THBS4: variants seen among roughly 807,000 people sequenced by gnomAD.
THBS4 encodes thrombospondin 4.
A neutral mutation model predicts 115.7 loss-of-function variants in THBS4; 90 were observed. That is an observed-to-expected ratio of 0.78 (90% CI 0.66 to 0.93). THBS4 has a LOEUF of 0.93. Among genes scored for constraint, THBS4 ranks in the 40% least tolerant of loss-of-function variants. The probability of loss-of-function intolerance (pLI) is 0.00; values close to 1 mark genes in which losing one functional copy is unlikely to be tolerated. For missense variants in THBS4, 1,087 were observed against 1,232.7 expected (o/e 0.88, Z 1.77); for synonymous variants, 460 against 479.3 (o/e 0.96, Z 0.53).
At chr5:80,015,501 A>G (rs1580912194) in intron 2 of THBS4, among the ~76,000 whole-genome samples, 1 of 152,242 alleles carries the variant, frequency 6.6e-6, no homozygotes. Context: ...TGTGAGCTGT[A>G]TAACAGGAAG....
At chr5:79,998,727 T>C (rs1255965813) in intron 2 of THBS4, among the ~76,000 whole-genome samples, 2 of 152,188 alleles carry the variant, frequency 1.3e-5, no homozygotes. Flanking sequence ...TTAGATGTTT[T>C]TAAAAAGAAT....
At chr5:80,014,573 T>C (rs1295215776) in intron 2 of THBS4, among the ~76,000 whole-genome samples, 2 of 152,094 alleles carry the variant, frequency 1.3e-5, no homozygotes, top group South Asian at 2.1e-4. Context: ...TAGCCAGTAG[T>C]TGGGGGAAGA....
intron 2 of THBS4, among the ~76,000 whole-genome samples, chr5:80,028,001 A>G (rs1832514195): frequency 6.6e-6 from 1 of 151,606 alleles, no homozygotes. Context: ...TATCTCTCCC[A>G]CAGAGTTACT....
chr5:80,053,642 T>C (rs1325644720), intron 2 of THBS4, among the ~76,000 whole-genome samples: 1 of 152,140 alleles, frequency 6.6e-6, no homozygotes, highest in East Asian at 1.9e-4. Flanking sequence ...AATGATGTGT[T>C]TACCACCTCC....
intron 1 of THBS4, among the ~76,000 whole-genome samples, chr5:79,997,839 G>C (rs983069410): frequency 6.6e-6 from 1 of 152,078 alleles, no homozygotes; most frequent in African/African-American, 2.4e-5. Flanking sequence ...GTCAATAACA[G>C]AAAGATAACA....
chr5:80,078,936 C>T lies in THBS4; in HGVS notation c.2281C>T (p.Gln761Ter), dbSNP rs761229409. Residue 761 changes from glutamine to a stop codon, truncating the protein, a stop_gained, in exon 18 of 22, where the codon CAG (glutamine) becomes TAG (stop). Coordinates refer to ENST00000350881, the MANE Select transcript of THBS4 (RefSeq NM_003248.6). LOFTEE classifies it high-confidence loss of function. ...CTCTCTGCAGGGCATGGAGATTGTA[C>T]AGACCATGAACAGTGATCCTGGCCT... ...VVLNQGMEIV[Q>*]TMNSDPGLAV... 6.2e-7 allele frequency: 1 copy of T among 1,614,090 alleles called. No individual in the cohort carries two copies. Among genetic ancestry groups the T allele is most frequent in the South Asian group, 1.1e-5 (1 of 91,056 alleles).
chr5:80,011,641 T>C (rs1251432265), intron 2 of THBS4, among the ~76,000 whole-genome samples: 2 of 152,098 alleles, frequency 1.3e-5, no homozygotes, highest in Non-Finnish European at 2.9e-5. Flanking sequence ...TCCAGTAATA[T>C]ATTTTAAATA....
At chr5:80,019,373 C>T (rs1033814692) in intron 2 of THBS4, among the ~76,000 whole-genome samples, 1 of 152,052 alleles carries the variant, frequency 6.6e-6, no homozygotes, top group Non-Finnish European at 1.5e-5. Flanking sequence ...TCATTGATTT[C>T]TGGATTTTTT....
chr5:80,040,100 A>C lies in THBS4; in HGVS notation c.112A>C (p.Ser38Arg). 6.2e-7 allele frequency: 1 copy of C among 1,613,272 alleles called. No homozygotes were observed. The highest frequency in any genetic ancestry group is 8.5e-7 in the Non-Finnish European group (1 of 1,179,918). The change falls in exon 2 of 22, where the codon AGT becomes CGT. Residue 38 changes from serine to arginine, a missense_variant. Ser to Arg is a moderately radical substitution (Grantham distance 110, BLOSUM62 -1). Around this residue, in one of 3 missense-constraint regions of THBS4, gnomAD observed 979 missense variants for 1,103.7 expected, o/e 0.89. Coordinates refer to ENST00000350881, the MANE Select transcript of THBS4 (RefSeq NM_003248.6). ...PQVFDLLPSS[S>R]QRLNPGALLP... ...AGTCTTTGACCTTCTCCCATCTTCC[A>C]GTCAGAGGCTAAACCCAGGCGCTCT...
chr5:80,003,129 G>A (rs969482195), intron 2 of THBS4, among the ~76,000 whole-genome samples: 3 of 152,106 alleles, frequency 2.0e-5, no homozygotes, highest in African/African-American at 7.2e-5. Context: ...TAGGGGAATC[G>A]ATATTATTAA....
At chr5:80,036,307 A>C in intron 1 of THBS4, 3 of 610,260 alleles carry the variant, frequency 4.9e-6, no homozygotes, top group Non-Finnish European at 6.2e-6. Flanking sequence ...CCATGTTCTC[A>C]CAAGCGGGAG....
intron 2 of THBS4, among the ~76,000 whole-genome samples, chr5:80,004,326 T>C (rs1831971315): frequency 6.6e-6 from 1 of 152,226 alleles, no homozygotes. Flanking sequence ...CAGCACCACA[T>C]TGGACTGGCC....
chr5:80,033,834 AC>A (rs1313200595), upstream of THBS4, among the ~76,000 whole-genome samples: 2 of 152,208 alleles, frequency 1.3e-5, no homozygotes, highest in Non-Finnish European at 2.9e-5. Flanking sequence ...CCCTGTAGGC[AC>A]CTAATCACTG....
At chr5:80,070,509 A>G (rs1245165195) in intron 11 of THBS4, 99 bp downstream of exon 11, 54 of 1,414,906 alleles carry the variant, frequency 3.8e-5, no homozygotes, top group African/African-American at 7.1e-5. Flanking sequence ...TTAAAATTGT[A>G]CTTGTAAAGT....
exon 1 of THBS4, chr5:79,991,396 G>A (rs1831669386): frequency 3.0e-6 from 2 of 657,754 alleles, no homozygotes; most frequent in Non-Finnish European, 2.5e-6. Flanking sequence ...ACTCTTAGGA[G>A]CAGCTTGGCC....
intron 2 of THBS4, among the ~76,000 whole-genome samples, chr5:80,045,591 C>T (rs1359662985): frequency 2.1e-5 from 3 of 145,544 alleles, no homozygotes; most frequent in African/African-American, 5.1e-5. Flanking sequence ...AGTGCAATGG[C>T]GCGATCTTGG....
At chr5:80,012,907 A>G (rs1832155928) in intron 2 of THBS4, among the ~76,000 whole-genome samples, 1 of 152,180 alleles carries the variant, frequency 6.6e-6, no homozygotes, top group South Asian at 2.1e-4. Context: ...ACGAGGTCCC[A>G]CTTGGCCCCG....
At chr5:80,051,468 TAACA>T (rs896514134) in intron 2 of THBS4, among the ~76,000 whole-genome samples, 15 of 152,230 alleles carry the variant, frequency 9.9e-5, no homozygotes, top group South Asian at 2.1e-4. Context: ...ATTTTTCTGC[TAACA>T]AACAGACATT....
chr5:80,079,220 C>A lies in THBS4; in HGVS notation c.2473C>A (p.Pro825Thr). Residue 825 changes from proline (P) to threonine (T), a missense_variant, in exon 19 of 22, where the codon CCA becomes ACA. Transcript: ENST00000350881. ...GGAGCAGACATATTGGCAAGCCACC[C>A]CATTCCGAGCAGTTGCAGAACCTGG... Reference protein sequence around the residue: ...QTEQTYWQATPFRAVAEPGIQ... With the variant: ...QTEQTYWQATTFRAVAEPGIQ... 1 of 1,613,616 alleles carries A rather than the reference C, an allele frequency of 6.2e-7. No individual in the cohort carries two copies. Among genetic ancestry groups the A allele is most frequent in the Non-Finnish European group, 8.5e-7 (1 of 1,179,736 alleles).
Sources: allele counts gnomAD v4.1 joint callset (sites outside exome capture counted in the v4.1 genomes callset), GRCh38; gene constraint gnomAD v4.1.1; regional missense constraint gnomAD v4.1.1; transcripts MANE v1.5; gene names NCBI Gene and HGNC (gene_info 2026-07-23, HGNC 2026-07-21).